The following OPN5 variants were observed in gnomAD, a reference collection of about 807,000 sequenced individuals.
OPN5 encodes the protein opsin 5.
A neutral mutation model predicts 41.7 loss-of-function variants in OPN5; 18 were observed. That is an observed-to-expected ratio of 0.43 (90% CI 0.30 to 0.64). OPN5 has a LOEUF of 0.64. Ranked by LOEUF, OPN5 falls within the 30% of genes least tolerant of loss-of-function variation. The probability of loss-of-function intolerance (pLI) is 0.13; values close to 1 mark genes in which losing one functional copy is unlikely to be tolerated. For synonymous variants in OPN5, 178 were observed against 164.3 expected (o/e 1.08, Z -0.64); for missense variants, 318 against 434.5 (o/e 0.73, Z 2.38).
At chr6:47,815,854 A>G (rs963823501) in intron 6 of OPN5, among the ~76,000 whole-genome samples, 1 of 152,150 alleles carries the variant, frequency 6.6e-6, no homozygotes, top group Non-Finnish European at 1.5e-5. Flanking sequence ...TCACCAGGTT[A>G]TGGGACTGCA....
intron 1 of OPN5, among the ~76,000 whole-genome samples, chr6:47,782,691 TA>T: frequency 6.6e-6 from 1 of 152,180 alleles, no homozygotes; most frequent in East Asian, 1.9e-4. Context: ...TTACTTCACC[TA>T]AAAGTAAAGT....
intron 4 of OPN5, among the ~76,000 whole-genome samples, chr6:47,800,814 A>G (rs1302085164): frequency 6.6e-6 from 1 of 152,220 alleles, no homozygotes; most frequent in East Asian, 1.9e-4. Flanking sequence ...TTACTGATAC[A>G]ATTTTTGCAA....
At chr6:47,825,654 A>G (rs968343917), downstream of OPN5, 2 of 152,222 alleles carry the variant, frequency 1.3e-5, no homozygotes, top group Non-Finnish European at 2.9e-5. Context: ...TCCTCCTGTC[A>G]AAACCTTGGT....
At chr6:47,803,325 G>A (rs914666209) in intron 4 of OPN5, among the ~76,000 whole-genome samples, 4 of 152,130 alleles carry the variant, frequency 2.6e-5, no homozygotes, top group Admixed American at 1.3e-4. Context: ...GGCTCTATAC[G>A]TGGAAGGTAG....
At position 47,786,500 on chromosome 6, in the gene OPN5, T is replaced by C. The variant is rs746044361; in HGVS notation, c.131-15T>C. On this transcript the variant is annotated splice_polypyrimidine_tract_variant and intron_variant, in intron 1 of 6. Coordinates refer to ENST00000371211, the Ensembl canonical transcript of OPN5. ...TCTTAGTTTTAACGATTGGAATTTT[T>C]ATTTTTCCTTGTAGGGATTCTGTCC... 1 of 1,598,544 alleles carries C rather than the reference T, an allele frequency of 6.3e-7. No homozygotes were observed. The highest frequency in any genetic ancestry group is 1.1e-5 in the South Asian group (1 of 88,626).
chr6:47,802,763 A>AG (rs1773824370), intron 4 of OPN5, among the ~76,000 whole-genome samples: 2 of 152,176 alleles, frequency 1.3e-5, no homozygotes, highest in Non-Finnish European at 2.9e-5. Flanking sequence ...TCTTTAAGCC[A>AG]GCCACTGCCT....
intron 6 of OPN5, among the ~76,000 whole-genome samples, chr6:47,814,820 C>T (rs1762383601): frequency 6.6e-6 from 1 of 152,104 alleles, no homozygotes; most frequent in Non-Finnish European, 1.5e-5. Flanking sequence ...ACTGCAAAAT[C>T]TTTGAGCTTG....
chr6:47,789,651 C>A (rs1355321646), intron 2 of OPN5, among the ~76,000 whole-genome samples: 1 of 152,176 alleles, frequency 6.6e-6, no homozygotes, highest in African/African-American at 2.4e-5. Flanking sequence ...TGGCACTAAC[C>A]ATCTAGACAA....
chr6:47,816,096 G>A (rs1384327158), intron 6 of OPN5, among the ~76,000 whole-genome samples: 2 of 152,012 alleles, frequency 1.3e-5, no homozygotes, highest in African/African-American at 2.4e-5. Context: ...TTTAACATTG[G>A]CCACATCTAC....
At chr6:47,782,295 T>G (rs1581722991) in intron 1 of OPN5, 99 bp downstream of exon 1, 3 of 1,180,994 alleles carry the variant, frequency 2.5e-6, no homozygotes, top group Non-Finnish European at 3.6e-6. Flanking sequence ...AAGTGGATAG[T>G]TTAGTGGAGG....
At chr6:47,796,238 A>G (rs149980511) in intron 4 of OPN5, among the ~76,000 whole-genome samples, 51 of 152,264 alleles carry the variant, frequency 3.3e-4, no homozygotes, top group African/African-American at 1.1e-3. Context: ...CTATTTCCTC[A>G]CTTGCATAAC....
At chr6:47,795,550 T>C in exon 4 of OPN5, 1 of 1,612,206 alleles carries the variant, frequency 6.2e-7, no homozygotes, top group Non-Finnish European at 8.5e-7. Context: ...GTGCTGGAAA[T>C]GAAACTGACA....
intron 1 of OPN5, among the ~76,000 whole-genome samples, chr6:47,784,344 T>TG (rs1200620501): frequency 6.6e-6 from 1 of 152,130 alleles, no homozygotes; most frequent in African/African-American, 2.4e-5. Flanking sequence ...TCACCCAGGT[T>TG]GGAGTGCAGT....
rs148731002 is a variant in OPN5, at chr6:47,796,747, G to A, written c.756+1184G>A. ...TTTAGTAAGTCAGAGACTTGGTTCT[G>A]GTAATATGCCTCTCTCCAAATTGCA... On this transcript the variant is annotated intron_variant, in intron 4 of 6. Coordinates refer to ENST00000371211, the Ensembl canonical transcript of OPN5. 2.0e-4 allele frequency among the ~76,000 whole-genome samples: 30 copies of A among 152,194 alleles called. No homozygotes were observed. In the East Asian group the frequency reaches 5.6e-3, roughly 28 times the overall value.
Position 47,817,607 on chromosome 6 carries a change from A to C in OPN5, c.1056+5876A>C, listed in dbSNP as rs144410098. ...AGAACTTGAGCCCCATGCCTGACCT[A>C]CTACTGAATCAGAATCTGTAATTTA... is the stretch of plus-strand genomic sequence containing the variant. On this transcript the variant is annotated intron_variant, in intron 6 of 6. Transcript: ENST00000371211. 2.1e-4 allele frequency among the ~76,000 whole-genome samples: 32 copies of C among 152,250 alleles called. No individual in the cohort carries two copies. In the East Asian group the frequency reaches 6.0e-3, roughly 28 times the overall value.
At chr6:47,824,879 C>G (rs1196295877), downstream of OPN5, 2 of 151,660 alleles carry the variant, frequency 1.3e-5, no homozygotes, top group Non-Finnish European at 2.9e-5. Context: ...AATAAAATAG[C>G]TTTTTCCCTT....
chr6:47,784,555 C>T (rs1773154304), intron 1 of OPN5, among the ~76,000 whole-genome samples: 1 of 152,136 alleles, frequency 6.6e-6, no homozygotes. Context: ...ACCTCAGCCT[C>T]CCAAAGTGTT....
chr6:47,799,894 A>G (rs944293919), intron 4 of OPN5, among the ~76,000 whole-genome samples: 1 of 152,152 alleles, frequency 6.6e-6, no homozygotes, highest in Admixed American at 6.5e-5. Context: ...CTCACACAGT[A>G]ATCTTAATGC....
At chr6:47,795,544 T>G in exon 4 of OPN5, 2 of 1,613,132 alleles carry the variant, frequency 1.2e-6, no homozygotes, top group Non-Finnish European at 1.7e-6. Context: ...AGCCATGTGC[T>G]GGAAATGAAA....
Sources: allele counts gnomAD v4.1 joint callset (sites outside exome capture counted in the v4.1 genomes callset), GRCh38; gene constraint gnomAD v4.1.1; transcripts MANE v1.5; gene names NCBI Gene and HGNC (gene_info 2026-07-23, HGNC 2026-07-21).